The following OCLN variants were observed in gnomAD, a reference collection of about 807,000 sequenced individuals.
The protein encoded by OCLN is phosphatase 1, regulatory subunit 115.
In OCLN, 21 loss-of-function variants were observed where a neutral mutation model predicts 47.9. That is an observed-to-expected ratio of 0.44 (90% CI 0.31 to 0.63). OCLN has a LOEUF of 0.63. Ranked by LOEUF, OCLN falls within the 30% of genes least tolerant of loss-of-function variation. OCLN has a pLI of 0.08. For synonymous variants in OCLN, 117 were observed against 198.4 expected, an observed-to-expected ratio of 0.59 and a Z score of 3.45; for missense variants, 360 against 571.0, an observed-to-expected ratio of 0.63 and a Z score of 3.77.
chr5:69,500,754 A>G (rs550902530), intron 1 of OCLN, among the ~76,000 whole-genome samples: 1 of 152,264 alleles, frequency 6.6e-6, no homozygotes, highest in African/African-American at 2.4e-5. Flanking sequence ...AATCCTGGAA[A>G]TAGCAGTTTG....
chr5:69,493,514 G>A lies in OCLN; in HGVS notation c.-69+614G>A, dbSNP rs1271324668. Reference sequence around the variant, plus strand: ...TTCGAATCCACTTGTTGCGAGTTGTGTGAACCCGCGTCGATTTAAGCTGGG... The same window carrying A: ...TTCGAATCCACTTGTTGCGAGTTGTATGAACCCGCGTCGATTTAAGCTGGG... On this transcript the variant is annotated intron_variant, in intron 1 of 8. Transcript: ENST00000396442. The surrounding 1 kb of genome is among the most constrained non-coding windows in gnomAD (Gnocchi z 5.3). 6.6e-6 allele frequency among the ~76,000 whole-genome samples: 1 copy of A among 152,154 alleles called. No individual in the cohort carries two copies.
At chr5:69,550,468 G>T (rs1261164474) in intron 7 of OCLN, among the ~76,000 whole-genome samples, 1 of 151,556 alleles carries the variant, frequency 6.6e-6, no homozygotes, top group East Asian at 1.9e-4. Context: ...CTGGAATTAC[G>T]TGTGTGAGCC....
At chr5:69,513,413 A>T (rs541184369) in intron 3 of OCLN, among the ~76,000 whole-genome samples, 1 of 152,350 alleles carries the variant, frequency 6.6e-6, no homozygotes, top group East Asian at 1.9e-4. Context: ...CCATGTCTTC[A>T]TCATTTTTGG....
intron 4 of OCLN, among the ~76,000 whole-genome samples, chr5:69,516,075 C>T (rs1284219644): frequency 6.6e-6 from 1 of 151,652 alleles, no homozygotes; most frequent in African/African-American, 2.4e-5. Flanking sequence ...CAGAGACGCT[C>T]CTCACTTCCC....
At chr5:69,496,792 T>A (rs1768306140) in intron 1 of OCLN, among the ~76,000 whole-genome samples, 1 of 152,170 alleles carries the variant, frequency 6.6e-6, no homozygotes, top group Non-Finnish European at 1.5e-5. Context: ...CACTTTATAT[T>A]TTATCATTAG....
At chr5:69,496,597 A>C (rs1263410998) in intron 1 of OCLN, among the ~76,000 whole-genome samples, 1 of 122,404 alleles carries the variant, frequency 8.2e-6, no homozygotes, top group African/African-American at 3.4e-5. Context: ...TAGATAACGG[A>C]GTCTTACTCT....
chr5:69,551,337 T>TA (rs1322840349), intron 7 of OCLN, among the ~76,000 whole-genome samples: 2 of 139,300 alleles, frequency 1.4e-5, no homozygotes, highest in Non-Finnish European at 3.2e-5. Context: ...ATGTGAAAGA[T>TA]ACAGTATCAT....
At chr5:69,495,422 C>T (rs533153067) in intron 1 of OCLN, among the ~76,000 whole-genome samples, 16 of 152,282 alleles carry the variant, frequency 1.1e-4, no homozygotes, top group African/African-American at 3.4e-4. Context: ...ACAGGTGATT[C>T]TCAGACTGTT....
chr5:69,509,770 T>C lies in OCLN; in HGVS notation c.680T>C (p.Leu227Pro), dbSNP rs771679621. The C allele has an allele frequency of 6.2e-7, 1 of 1,614,126 alleles. No homozygotes were observed. The highest frequency in any genetic ancestry group is 8.5e-7 in the Non-Finnish European group (1 of 1,180,004). Residue 227 changes from leucine (L) to proline (P), a missense_variant, in exon 3 of 9, where the codon CTC becomes CCC. By Grantham distance (98) the Leu-to-Pro change is moderately conservative. Coordinates refer to ENST00000396442, the MANE Select transcript of OCLN (RefSeq NM_001205254.2). ...TTTTATACACCTGCAGCTACTGGAC[T>C]CTACGTGGATCAGTATTTGTATCAC... ...NQFYTPAATGLYVDQYLYHYC... is the reference protein window; with the variant it reads ...NQFYTPAATGPYVDQYLYHYC...
intron 4 of OCLN, among the ~76,000 whole-genome samples, chr5:69,515,346 T>A: frequency 8.0e-6 from 1 of 124,662 alleles, no homozygotes; most frequent in African/African-American, 3.1e-5. Context: ...CACTTCCCAG[T>A]AGGGGCGGCC....
intron 3 of OCLN, among the ~76,000 whole-genome samples, chr5:69,512,963 A>G (rs184149451): frequency 2.0e-5 from 3 of 152,256 alleles, no homozygotes; most frequent in Admixed American, 1.3e-4. Context: ...GACCTCTAGT[A>G]TCTGTCTACC....
At position 69,548,852 on chromosome 5, in the gene OCLN, G is replaced by A. The variant is rs549155543; in HGVS notation, c.1425+751G>A. Among the ~76,000 whole-genome samples, 316 of 150,738 alleles carry A rather than the reference G, an allele frequency of 2.1e-3. 8 individuals are homozygous for A. The highest frequency in any genetic ancestry group is 3.2e-3 in the Non-Finnish European group (218 of 67,606). ...CAGACACCTGTAATCCCAGCTACTC[G>A]GGGAGGCTGAGACAGGAGAATTGCT... On this transcript the variant is annotated intron_variant, in intron 7 of 8. Transcript: ENST00000396442.
At chr5:69,518,836 A>G (rs1368415068) in intron 4 of OCLN, among the ~76,000 whole-genome samples, 1 of 152,222 alleles carries the variant, frequency 6.6e-6, no homozygotes, top group Non-Finnish European at 1.5e-5. Flanking sequence ...GTTACTCCCC[A>G]TATAGCTAAT....
chr5:69,520,354 G>A (rs1285177043), intron 4 of OCLN, among the ~76,000 whole-genome samples: 3 of 149,678 alleles, frequency 2.0e-5, no homozygotes, highest in Admixed American at 6.7e-5. Context: ...AGGCTGGAGC[G>A]CAGTGGCACT....
chr5:69,505,021 G>A (rs914651908), intron 2 of OCLN, among the ~76,000 whole-genome samples: 3 of 152,018 alleles, frequency 2.0e-5, no homozygotes, highest in Non-Finnish European at 2.9e-5. Context: ...AGGCCGAGGC[G>A]GGTGGATCAC....
At chr5:69,508,498 G>A (rs1043286045) in intron 2 of OCLN, among the ~76,000 whole-genome samples, 2 of 151,974 alleles carry the variant, frequency 1.3e-5, no homozygotes, top group African/African-American at 2.4e-5. Flanking sequence ...ATGCCACCAC[G>A]TCTGGCTAAT....
intron 4 of OCLN, among the ~76,000 whole-genome samples, chr5:69,521,835 C>G (rs1450951731): frequency 6.6e-6 from 1 of 152,126 alleles, no homozygotes; most frequent in African/African-American, 2.4e-5. Context: ...TAAGCATATG[C>G]TTATTTCCTA....
rs200654651 is a variant in OCLN at position 69,514,078 on chromosome 5, A to G, written c.860A>G (p.Tyr287Cys). The G allele has an allele frequency of 2.2e-5, 36 of 1,614,096 alleles. No individual in the cohort carries two copies. Among genetic ancestry groups the G allele is most frequent in the Non-Finnish European group, 3.0e-5 (35 of 1,180,022 alleles). The change falls in exon 4 of 9, where the codon TAT (tyrosine) becomes TGT (cysteine). Residue 287 changes from tyrosine to cysteine, a missense_variant. This residue lies in a region of OCLN where 314 missense variants were observed against 368.1 expected (regional missense o/e 0.85). Coordinates refer to ENST00000396442, the MANE Select transcript of OCLN (RefSeq NM_001205254.2). ...SNILWDKEHIYDEQPPNVEEW... is the reference protein window; with the variant it reads ...SNILWDKEHICDEQPPNVEEW... ...ATTTTGTGGGACAAGGAACACATTT[A>G]TGATGAGCAGCCCCCCAATGTCGAG...
intron 1 of OCLN, among the ~76,000 whole-genome samples, chr5:69,497,670 G>C (rs575295048): frequency 2.6e-5 from 4 of 152,034 alleles, no homozygotes; most frequent in Non-Finnish European, 2.9e-5. Flanking sequence ...CGTGAGCCAC[G>C]GTGCCTGGCC....
Sources: allele counts gnomAD v4.1 joint callset (sites outside exome capture counted in the v4.1 genomes callset), GRCh38; gene constraint gnomAD v4.1.1; regional missense constraint gnomAD v4.1.1; non-coding constraint Gnocchi (gnomAD v3.1); transcripts MANE v1.5; gene names NCBI Gene and HGNC (gene_info 2026-07-23, HGNC 2026-07-21).